PPFIBP2: variants seen among roughly 807,000 people sequenced by gnomAD.
PPFIBP2 encodes liprin-beta-2.
A neutral mutation model predicts 118.3 loss-of-function variants in PPFIBP2; 118 were observed. The observed-to-expected ratio is 1.00, with a 90% CI of 0.86 to 1.16. The LOEUF is 1.16. Ranked by LOEUF, PPFIBP2 falls within the 50% of genes most tolerant of loss-of-function variation. The pLI is 0.00. For synonymous variants in PPFIBP2, 414 were observed against 397.4 expected, an observed-to-expected ratio of 1.04 and a Z score of -0.50; for missense variants, 1,195 against 1,073.1, an observed-to-expected ratio of 1.11 and a Z score of -1.59.
At chr11:7,590,955 C>T (rs1490972934) in intron 3 of PPFIBP2, among the ~76,000 whole-genome samples, 1 of 152,166 alleles carries the variant, frequency 6.6e-6, no homozygotes, top group Non-Finnish European at 1.5e-5. Context: ...TTGATTTTAC[C>T]ATACTGATCT....
intron 7 of PPFIBP2, among the ~76,000 whole-genome samples, chr11:7,623,149 A>G (rs1849557446): frequency 6.6e-6 from 1 of 152,156 alleles, no homozygotes; most frequent in Admixed American, 6.5e-5. Flanking sequence ...TTCCAACATC[A>G]TCCTGATTCC....
intron 3 of PPFIBP2, chr11:7,577,496 A>G (rs1856599908): frequency 2.2e-6 from 1 of 446,396 alleles, no homozygotes; most frequent in South Asian, 1.6e-5. Context: ...TTGAGGGGGG[A>G]GGGGGCAGAG....
downstream of PPFIBP2, chr11:7,657,245 G>A (rs1854764906): frequency 6.0e-6 from 1 of 167,370 alleles, no homozygotes; most frequent in Admixed American, 5.8e-5. Context: ...ATGGTCACCA[G>A]GAGGTCCCTC....
At chr11:7,666,021 C>T in the PPFIBP2 span, 6 of 987,786 alleles carry the variant, frequency 6.1e-6, no homozygotes, top group Non-Finnish European at 6.1e-6. Context: ...TGCTGGGATG[C>T]TGTCTGGGCT....
In PPFIBP2 at chr11:7,572,271, C is replaced by A. The variant is rs961043440; in HGVS notation, c.279+6504C>A. Among the ~76,000 whole-genome samples the A allele has an allele frequency of 4.6e-5, 7 of 152,184 alleles. No individual in the cohort carries two copies. The South Asian group carries it at 1.0e-3, about 22-fold the overall frequency. ...GTCACGCCCTGCCCTAGAGAAGCTT[C>A]CTGTCCCCTGGGGGATTTTGAATGC... On this transcript the variant is annotated intron_variant, in intron 3 of 23. Coordinates refer to ENST00000299492, the MANE Select transcript of PPFIBP2 (RefSeq NM_003621.5).
chr11:7,662,801 T>TGG, the PPFIBP2 span, among the ~76,000 whole-genome samples: 1 of 151,868 alleles, frequency 6.6e-6, no homozygotes, highest in South Asian at 2.1e-4. Context: ...GACATAGATT[T>TGG]GGTCTTTTCA....
intron 1 of PPFIBP2, among the ~76,000 whole-genome samples, chr11:7,519,427 G>A (rs1399443548): frequency 6.6e-6 from 1 of 152,176 alleles, no homozygotes; most frequent in East Asian, 1.9e-4. Flanking sequence ...TTCGGTCGTT[G>A]GCAATACTTG....
At chr11:7,655,164 C>T (rs1565138295), downstream of PPFIBP2, among the ~76,000 whole-genome samples, 1 of 152,164 alleles carries the variant, frequency 6.6e-6, no homozygotes, top group African/African-American at 2.4e-5. Flanking sequence ...TTGTGTCTTG[C>T]CTCTGTGTAC....
chr11:7,638,008 C>G (rs1250294805), intron 14 of PPFIBP2, among the ~76,000 whole-genome samples: 1 of 152,234 alleles, frequency 6.6e-6, no homozygotes, highest in Non-Finnish European at 1.5e-5. Context: ...CTCTTCCCCC[C>G]TCCATATGTC....
At chr11:7,528,946 C>CTTGCTT (rs1175666645) in intron 1 of PPFIBP2, among the ~76,000 whole-genome samples, 1 of 152,114 alleles carries the variant, frequency 6.6e-6, no homozygotes, top group Non-Finnish European at 1.5e-5. Context: ...CAGATCTAGC[C>CTTGCTT]CTGGTGGCCA....
At chr11:7,515,227 G>C in intron 1 of PPFIBP2, among the ~76,000 whole-genome samples, 1 of 152,094 alleles carries the variant, frequency 6.6e-6, no homozygotes, top group African/African-American at 2.4e-5. Context: ...TGGGAGATGG[G>C]GATGATTGAT....
chr11:7,566,659 C>T (rs77665273), intron 3 of PPFIBP2, among the ~76,000 whole-genome samples: 2,085 of 152,290 alleles, frequency 0.014, 75 homozygotes, highest in African/African-American at 0.048. Flanking sequence ...TGAGCCACTG[C>T]ACCTGGCCAG....
At chr11:7,664,909 C>A in the PPFIBP2 span, among the ~76,000 whole-genome samples, 1 of 151,216 alleles carries the variant, frequency 6.6e-6, no homozygotes, top group Non-Finnish European at 1.5e-5. Context: ...TGTGTGTAAC[C>A]ACTCCTACCA....
rs1334010022 is a variant in PPFIBP2, at chr11:7,565,691, AG to A, written c.205del (p.Glu69ArgfsTer6). 6.2e-7 allele frequency: 1 copy of A among 1,614,168 alleles called. No individual in the cohort carries two copies. The highest frequency in any genetic ancestry group is 1.1e-5 in the South Asian group (1 of 91,076). On this transcript the variant is annotated frameshift_variant, in exon 3 of 24. Transcript: ENST00000299492. LOFTEE classifies it high-confidence loss of function. ...RLALEMLELP[Q>X]ERAALLSQIP... is the part of the protein sequence containing the mutation. Reference sequence around the variant, plus strand: ...GCCTTGGAGATGCTGGAGCTTCCTCAGGAGAGAGCAGCCCTCCTGAGCCAGA... The same window carrying A: ...GCCTTGGAGATGCTGGAGCTTCCTCAGAGAGAGCAGCCCTCCTGAGCCAGA...
At chr11:7,592,991 T>C (rs1273994353) in intron 3 of PPFIBP2, 141 bp from the exon 4 acceptor site, 1 of 1,284,860 alleles carries the variant, frequency 7.8e-7, no homozygotes, top group African/African-American at 1.5e-5. Flanking sequence ...ATCTTGTGGT[T>C]TCCTGTTTTG....
At chr11:7,624,479 A>C (rs1257434164) in intron 7 of PPFIBP2, among the ~76,000 whole-genome samples, 1 of 152,202 alleles carries the variant, frequency 6.6e-6, no homozygotes, top group Non-Finnish European at 1.5e-5. Flanking sequence ...TACTCATTTA[A>C]TTACTTGGGG....
At chr11:7,645,326 C>G (rs1852893243) in intron 17 of PPFIBP2, among the ~76,000 whole-genome samples, 1 of 149,866 alleles carries the variant, frequency 6.7e-6, no homozygotes, top group African/African-American at 2.5e-5. Context: ...AGGATTTCTT[C>G]TACTTCCCAT....
Position 7,649,183 on chromosome 11 carries a change from A to G in PPFIBP2, c.1946A>G (p.Asp649Gly), listed in dbSNP as rs905124559. The G allele has an allele frequency of 1.2e-6, 2 of 1,614,112 alleles. No individual in the cohort carries two copies. The highest frequency in any genetic ancestry group is 1.7e-6 in the Non-Finnish European group (2 of 1,179,976). Residue 649 changes from aspartate (D) to glycine (G), a missense_variant, in exon 20 of 24, where the codon GAC becomes GGC. By Grantham distance (94) the Asp-to-Gly change is moderately conservative. Transcript: ENST00000299492. ...GATATTGGCTTACCCCAGTACAAAGACCAGTTTCATGAATCTAGAGTTGAC... is the reference window on the plus strand; with the variant it reads ...GATATTGGCTTACCCCAGTACAAAGGCCAGTTTCATGAATCTAGAGTTGAC... ...LDDIGLPQYK[D>G]QFHESRVDRR...
chr11:7,605,589 G>A, intron 5 of PPFIBP2: 2 of 567,948 alleles, frequency 3.5e-6, no homozygotes, highest in Non-Finnish European at 4.6e-6. Context: ...CCTGTTACAG[G>A]GATGAGATCC....
Sources: gnomAD v4.1 joint callset for allele counts (sites outside exome capture counted in the v4.1 genomes callset) on GRCh38, gnomAD v4.1.1 for gene constraint, MANE v1.5 for transcripts, NCBI Gene and HGNC (gene_info 2026-07-23, HGNC 2026-07-21) for gene names.